RNF222: variants seen among roughly 807,000 people sequenced by gnomAD.
RNF222 encodes RING finger protein LOC643904.
In RNF222, 14 loss-of-function variants were observed where a neutral mutation model predicts 10.8. That is an observed-to-expected ratio of 1.30 (90% CI 0.86 to 2.03). The LOEUF (loss-of-function observed/expected upper bound fraction) is 2.03. Ranked by LOEUF, RNF222 falls within the 30% of genes most tolerant of loss-of-function variation. The pLI, the probability that RNF222 is intolerant of heterozygous loss-of-function variation, is 0.00. For synonymous variants in RNF222, 141 were observed against 142.5 expected (o/e 0.99, Z 0.07); for missense variants, 298 against 295.8 (o/e 1.01, Z -0.06).
In RNF222 at chr17:8,392,596, G is replaced by A; in HGVS notation, c.*203C>T. ...CTGAGGATTCACGTGGGGAACACGC[G>A]CCGCGCGCATGGAGTCAGCTCCAGC... is the stretch of plus-strand genomic sequence containing the variant. On this transcript the variant is annotated 3_prime_UTR_variant, in exon 3 of 3. Transcript: ENST00000399398. This position sits in a 1 kb window ranked among gnomAD's most constrained non-coding sequence, Gnocchi z 4.3. 1 of 612,776 alleles carries A rather than the reference G, an allele frequency of 1.6e-6. No homozygotes were observed. Among genetic ancestry groups the A allele is most frequent in the Non-Finnish European group, 2.8e-6 (1 of 360,990 alleles). 38.0% of individuals were successfully genotyped at this position (612,776 alleles called of 1,614,324 possible).
At chr17:8,395,803 A>G (rs530115068) in intron 1 of RNF222, among the ~76,000 whole-genome samples, 1 of 152,350 alleles carries the variant, frequency 6.6e-6, no homozygotes, top group South Asian at 2.1e-4. Flanking sequence ...CCAAACAGCC[A>G]TTATAATCAG....
At chr17:8,395,987 T>C (rs1046733646) in intron 1 of RNF222, among the ~76,000 whole-genome samples, 8 of 152,186 alleles carry the variant, frequency 5.3e-5, no homozygotes, top group Non-Finnish European at 8.8e-5. Flanking sequence ...GACTTACATA[T>C]TGGGGATAAG....
At position 8,392,277 on chromosome 17, in the gene RNF222, T is replaced by G; in HGVS notation, c.*522A>C. 1 of 153,798 alleles carries G rather than the reference T, an allele frequency of 6.5e-6. No homozygotes were observed. Among genetic ancestry groups the G allele is most frequent in the Non-Finnish European group, 1.4e-5 (1 of 69,010 alleles). 9.5% of individuals were successfully genotyped at this position (153,798 alleles called of 1,614,324 possible). On this transcript the variant is annotated 3_prime_UTR_variant, in exon 3 of 3. Transcript: ENST00000399398. This position sits in a 1 kb window ranked among gnomAD's most constrained non-coding sequence, Gnocchi z 4.3. The stretch of plus-strand genomic sequence containing the variant: ...CTGGCAGGTTGGGGACAGGGAGGGT[T>G]AGGGGATGGGGTGCTGTGGTGGAGG...
In RNF222 at chr17:8,393,363, A is replaced by T; in HGVS notation, c.99T>A (p.Cys33Ter). ...DLEGASRTLS[C>*]GHVFCHDCLV... The stretch of plus-strand genomic sequence containing the variant: ...GGCAGTCATGGCAGAACACATGGCC[A>T]CAGCTCAGCGTCCGGCTGGCGCCCT... Residue 33 changes from cysteine to a stop codon, truncating the protein, a stop_gained, in exon 3 of 3, where the codon TGT becomes TGA. Coordinates refer to ENST00000399398, the MANE Select transcript of RNF222 (RefSeq NM_001146684.3). LOFTEE classifies it high-confidence loss of function. The T allele has an allele frequency of 6.4e-7, 1 of 1,551,694 alleles. No homozygotes were observed. Among genetic ancestry groups the T allele is most frequent in the Non-Finnish European group, 8.7e-7 (1 of 1,146,988 alleles).
chr17:8,394,661 C>T (rs949286958), intron 1 of RNF222, among the ~76,000 whole-genome samples: 1 of 152,206 alleles, frequency 6.6e-6, no homozygotes, highest in African/African-American at 2.4e-5. Context: ...TGGTCTTGAA[C>T]TCCTGACCTC....
chr17:8,393,639 T>C, intron 2 of RNF222, 153 bp from the exon 3 acceptor site: 1 of 1,132,600 alleles, frequency 8.8e-7, no homozygotes, highest in East Asian at 2.6e-5. Context: ...CTTCTGCTGC[T>C]CCTCCTCTAT....
chr17:8,393,449 C>G lies in RNF222; in HGVS notation c.13G>C (p.Glu5Gln), dbSNP rs1197820555. 2.6e-6 allele frequency: 4 copies of G among 1,549,240 alleles called. No individual in the cohort carries two copies. Among genetic ancestry groups the G allele is most frequent in the South Asian group, 1.2e-5 (1 of 83,808 alleles). The change falls in exon 3 of 3, where the codon GAG becomes CAG. Residue 5 changes from glutamate (E) to glutamine (Q), a missense_variant. Glu to Gln is a conservative substitution (Grantham distance 29). Coordinates refer to ENST00000399398, the MANE Select transcript of RNF222 (RefSeq NM_001146684.3). MSEGESKDSSGSECP... is the reference protein window; with the variant it reads MSEGQSKDSSGSECP... ...TCACTGCCCGAGCTGTCCTTGCTCT[C>G]CCCTTCTGACATGGCCACTGGGAGA...
intron 1 of RNF222, among the ~76,000 whole-genome samples, chr17:8,397,290 C>T (rs942504696): frequency 1.3e-5 from 2 of 152,154 alleles, no homozygotes; most frequent in Non-Finnish European, 2.9e-5. Context: ...GGATGCCCCT[C>T]TGGCCACCTG....
Position 8,393,228 on chromosome 17 carries a change from G to A in RNF222, c.234C>T (p.Pro78=), listed in dbSNP as rs1031799860. ...TFLSKKSSRW[P]SMLDKSSQTL... is the part of the protein sequence containing the mutation. ...TCTGGGAGCTCTTGTCCAGCATGGAGGGCCAGCGGGAGCTCTTCTTGCTGA... is the reference window on the plus strand; with the variant it reads ...TCTGGGAGCTCTTGTCCAGCATGGAAGGCCAGCGGGAGCTCTTCTTGCTGA... Residue 78 remains proline (P), a synonymous_variant, in exon 3 of 3, where the codon CCC becomes CCT. Coordinates refer to ENST00000399398, the MANE Select transcript of RNF222 (RefSeq NM_001146684.3). 4 of 1,551,004 alleles carry A rather than the reference G, an allele frequency of 2.6e-6. No individual in the cohort carries two copies. The Admixed American group carries it at 5.9e-5, about 23-fold the overall frequency.
rs1316975172 is a variant in RNF222, at chr17:8,393,365, A to C, written c.97T>G (p.Cys33Gly). 1 of 1,551,590 alleles carries C rather than the reference A, an allele frequency of 6.4e-7. No individual in the cohort carries two copies. The change falls in exon 3 of 3, where the codon TGT becomes GGT. Residue 33 changes from cysteine to glycine, a missense_variant. By Grantham distance (159) the Cys-to-Gly change is radical (BLOSUM62 -3). Coordinates refer to ENST00000399398, the MANE Select transcript of RNF222 (RefSeq NM_001146684.3). ...DLEGASRTLS[C>G]GHVFCHDCLV... is the part of the protein sequence containing the mutation. ...CAGTCATGGCAGAACACATGGCCACAGCTCAGCGTCCGGCTGGCGCCCTCC... is the reference window on the plus strand; with the variant it reads ...CAGTCATGGCAGAACACATGGCCACCGCTCAGCGTCCGGCTGGCGCCCTCC...
At position 8,397,738 on chromosome 17, in the gene RNF222, A is replaced by G. The variant is rs1421435004; in HGVS notation, c.-221T>C. 6.6e-6 allele frequency: 1 copy of G among 152,444 alleles called. No individual in the cohort carries two copies. The highest frequency in any genetic ancestry group is 3.1e-3 in the Middle Eastern group (1 of 318). 9.4% of individuals were successfully genotyped at this position (152,444 alleles called of 1,614,324 possible). ...CCTTCCCTCCTGGGGCCTCCAGCAG[A>G]TCTGAGCCACCCCGAGGTGCTGAGC... On this transcript the variant is annotated 5_prime_UTR_variant, in exon 1 of 3. Transcript: ENST00000399398.
Position 8,393,106 on chromosome 17 carries a change from G to A in RNF222, c.356C>T (p.Pro119Leu), listed in dbSNP as rs1462864295. ...GCCTGGCGGCCTGGCCTGGCCTGGA[G>A]GTGGCCTCCAGGCAGGGGAGGAGGC... Reference protein sequence around the residue: ...LAASSPAWRPPPGQARPPGSP... With the variant: ...LAASSPAWRPLPGQARPPGSP... The change falls in exon 3 of 3, where the codon CCT (proline) becomes CTT (leucine). Residue 119 changes from proline (P) to leucine (L), a missense_variant. Transcript: ENST00000399398. The A allele has an allele frequency of 6.6e-7, 1 of 1,516,498 alleles. No individual in the cohort carries two copies. The highest frequency in any genetic ancestry group is 1.4e-5 in the African/African-American group (1 of 72,384). The allele number at this position is 1,516,498 out of a possible 1,614,324, so 93.9% of individuals were successfully genotyped here.
chr17:8,393,162 C>T lies in RNF222; in HGVS notation c.300G>A (p.Leu100=), dbSNP rs1907913691. The change falls in exon 3 of 3, where the codon CTG becomes CTA. Residue 100 remains leucine (L), a synonymous_variant. Coordinates refer to ENST00000399398, the MANE Select transcript of RNF222 (RefSeq NM_001146684.3). ...VPVGLPSVPP[L]DSLGHTNPLA... is the part of the protein sequence containing the mutation. ...GGGGGTTTGTGTGGCCCAGGCTGTCCAGTGGGGGCACGGAGGGCAGGCCCA... is the reference window on the plus strand; with the variant it reads ...GGGGGTTTGTGTGGCCCAGGCTGTCTAGTGGGGGCACGGAGGGCAGGCCCA... 6.5e-7 allele frequency: 1 copy of T among 1,549,582 alleles called. No homozygotes were observed. Among genetic ancestry groups the T allele is most frequent in the African/African-American group, 1.4e-5 (1 of 73,162 alleles).
chr17:8,391,340 A>T lies in RNF222; in HGVS notation c.*1459T>A, dbSNP rs1365912321. ...TGGCCACTTCTGTAATCTTGAAATG[A>T]GCACAGAGAAGCCCACAAGTGCTTT... is the stretch of plus-strand genomic sequence containing the variant. On this transcript the variant is annotated 3_prime_UTR_variant, in exon 3 of 3. Coordinates refer to ENST00000399398, the MANE Select transcript of RNF222 (RefSeq NM_001146684.3). 1 of 152,154 alleles carries T rather than the reference A, an allele frequency of 6.6e-6. No individual in the cohort carries two copies. Among genetic ancestry groups the T allele is most frequent in the East Asian group, 1.9e-4 (1 of 5,198 alleles). 9.4% of individuals were successfully genotyped at this position (152,154 alleles called of 1,614,324 possible). A position where few individuals can be genotyped will look rare whatever the true frequency, so the allele number is the denominator to read the frequency against.
chr17:8,392,552 A>T lies in RNF222; in HGVS notation c.*247T>A, dbSNP rs1907869329. 3.8e-6 allele frequency: 2 copies of T among 530,622 alleles called. No homozygotes were observed. Among genetic ancestry groups the T allele is most frequent in the Non-Finnish European group, 6.6e-6 (2 of 301,212 alleles). 32.9% of individuals were successfully genotyped at this position (530,622 alleles called of 1,614,324 possible). On this transcript the variant is annotated 3_prime_UTR_variant, in exon 3 of 3. Transcript: ENST00000399398. This position sits in a 1 kb window ranked among gnomAD's most constrained non-coding sequence, Gnocchi z 4.3. ...GTGACCACCCATCTTCCCAGCCTAG[A>T]GGAAGGGGAACGCATCTGCTGAGGA...
chr17:8,395,490 A>G (rs989768327), intron 1 of RNF222, among the ~76,000 whole-genome samples: 1 of 152,232 alleles, frequency 6.6e-6, no homozygotes, highest in African/African-American at 2.4e-5. Context: ...GGCAGTTGTC[A>G]TTATTAAGAC....
intron 1 of RNF222, among the ~76,000 whole-genome samples, chr17:8,394,733 C>T (rs116853931): frequency 0.025 from 3,770 of 152,274 alleles, 90 homozygotes; most frequent in Middle Eastern, 0.041. Flanking sequence ...CAAGCCAAGG[C>T]GCTGGCCACA....
chr17:8,395,823 G>A (rs991560141), intron 1 of RNF222, among the ~76,000 whole-genome samples: 2 of 152,178 alleles, frequency 1.3e-5, no homozygotes, highest in Non-Finnish European at 2.9e-5. Flanking sequence ...GGATGGGCAT[G>A]ATTTTCTTAA....
chr17:8,393,534 C>A (rs1597502554), intron 2 of RNF222, 48 bp from the exon 3 acceptor site: 4 of 1,481,558 alleles, frequency 2.7e-6, no homozygotes, highest in African/African-American at 2.8e-5. Context: ...CTCTTTCCCT[C>A]CCCCGTCCTA....
Sources: gnomAD v4.1 joint callset for allele counts (sites outside exome capture counted in the v4.1 genomes callset) on GRCh38, gnomAD v4.1.1 for gene constraint, Gnocchi (gnomAD v3.1) non-coding constraint, MANE v1.5 for transcripts, NCBI Gene and HGNC (gene_info 2026-07-23, HGNC 2026-07-21) for gene names.